Variants in SAMD8 observed in about 807,000 individuals in gnomAD.
SAMD8 encodes sterile alpha motif domain containing 8.
A neutral mutation model predicts 42.0 loss-of-function variants in SAMD8; 20 were observed. The ratio of observed to expected loss-of-function variants is 0.48; its 90% CI spans 0.34 to 0.69. The LOEUF (loss-of-function observed/expected upper bound fraction) is 0.69, where lower values mean the gene tolerates loss of function less well. SAMD8 is among the 30% of genes least tolerant of loss of function. SAMD8 has a pLI of 0.01. For synonymous variants in SAMD8, 162 were observed against 173.0 expected (o/e 0.94, Z 0.50); for missense variants, 328 against 511.6 (o/e 0.64, Z 3.46).
At chr10:75,106,571 G>A (rs187272469) in intron 1 of SAMD8, among the ~76,000 whole-genome samples, 11 of 152,224 alleles carry the variant, frequency 7.2e-5, no homozygotes, top group Admixed American at 7.2e-4. Flanking sequence ...GTAGAGGGAA[G>A]TCCCCCCACC....
At chr10:75,167,564 C>T (rs1459807033) in intron 3 of SAMD8, among the ~76,000 whole-genome samples, 1 of 152,110 alleles carries the variant, frequency 6.6e-6, no homozygotes, top group Non-Finnish European at 1.5e-5. Context: ...CCTGGAATCA[C>T]AGGTGTTTAA....
At chr10:75,144,004 G>A (rs911087552) in intron 1 of SAMD8, among the ~76,000 whole-genome samples, 1 of 140,672 alleles carries the variant, frequency 7.1e-6, no homozygotes, top group Non-Finnish European at 1.5e-5. Context: ...GTCTTGCTCT[G>A]TCACCCAGGC....
chr10:75,150,334 C>A, intron 1 of SAMD8, 180 bp from the exon 2 acceptor site: 3 of 397,260 alleles, frequency 7.6e-6, no homozygotes, highest in Non-Finnish European at 1.0e-5. Context: ...TGGCCCAGGA[C>A]TGGTCTCGAA....
chr10:75,116,056 T>C (rs1366944174), intron 1 of SAMD8, among the ~76,000 whole-genome samples: 1 of 151,798 alleles, frequency 6.6e-6, no homozygotes, highest in South Asian at 2.1e-4. Context: ...AAGAGTGTTG[T>C]GGGGCAGGGC....
Position 75,150,503 on chromosome 10 carries a change from T to A in SAMD8, c.-15-11T>A, listed in dbSNP as rs1050375383. The A allele has an allele frequency of 4.4e-6, 7 of 1,578,254 alleles. No homozygotes were observed. In the African/African-American group the frequency reaches 9.6e-5, roughly 22 times the overall value. ...AAGCTTTTGTTTTGTTTTCCTGTTT[T>A]CTCTCTACAGGCAGCGGAGGAGGAA... On this transcript the variant is annotated splice_polypyrimidine_tract_variant and intron_variant, in intron 1 of 5. Transcript: ENST00000542569.
At chr10:75,128,883 A>G (rs969325835) in intron 1 of SAMD8, among the ~76,000 whole-genome samples, 2 of 152,146 alleles carry the variant, frequency 1.3e-5, no homozygotes, top group African/African-American at 4.8e-5. Flanking sequence ...ACATGCATAT[A>G]ATTGGTTTTA....
intron 1 of SAMD8, among the ~76,000 whole-genome samples, chr10:75,123,170 CCCCACCCCACCCCACCCCA>C (rs1849045597): frequency 2.0e-5 from 1 of 50,068 alleles, no homozygotes; most frequent in Non-Finnish European, 4.1e-5. Flanking sequence ...CCTCACCCCA[CCCCACCCCACCCCACCCCA>C]CCCCACCCCA....
intron 1 of SAMD8, among the ~76,000 whole-genome samples, chr10:75,132,330 C>T (rs1297150359): frequency 6.6e-6 from 1 of 152,174 alleles, no homozygotes; most frequent in Non-Finnish European, 1.5e-5. Flanking sequence ...AAAGGATGTG[C>T]CTGAGATAAT....
At chr10:75,128,073 ATTTT>A (rs11353511) in intron 1 of SAMD8, among the ~76,000 whole-genome samples, 3 of 119,260 alleles carry the variant, frequency 2.5e-5, no homozygotes, top group Non-Finnish European at 3.5e-5. Context: ...TTCTTCTTTA[ATTTT>A]TTTTTTTTTT....
At chr10:75,151,140 A>T in intron 2 of SAMD8, 34 bp downstream of exon 2, 1 of 1,163,652 alleles carries the variant, frequency 8.6e-7, no homozygotes, top group Non-Finnish European at 1.2e-6. Context: ...AGTTTGTAGG[A>T]TGTTGCTATA....
At chr10:75,150,060 G>A (rs779561958) in intron 1 of SAMD8, among the ~76,000 whole-genome samples, 1 of 126,564 alleles carries the variant, frequency 7.9e-6, no homozygotes, top group African/African-American at 3.5e-5. Context: ...ATATGTGTGC[G>A]TGTGTGTGTG....
At chr10:75,115,129 A>G (rs10824275) in intron 1 of SAMD8, among the ~76,000 whole-genome samples, 37,964 of 152,100 alleles carry the variant, frequency 0.25, 5,257 homozygotes, top group East Asian at 0.59. Context: ...ATGTATTTAT[A>G]TTTGTTTACA....
intron 1 of SAMD8, among the ~76,000 whole-genome samples, chr10:75,121,412 A>G (rs1427685238): frequency 1.3e-5 from 2 of 152,202 alleles, no homozygotes; most frequent in African/African-American, 4.8e-5. Flanking sequence ...GAGGAATTGT[A>G]CTAGATCTCT....
intron 1 of SAMD8, among the ~76,000 whole-genome samples, chr10:75,120,561 G>A (rs9919494): frequency 2.5e-3 from 385 of 151,942 alleles, no homozygotes; most frequent in African/African-American, 8.7e-3. Context: ...GAGCCACCGC[G>A]CCCGGCCAGC....
intron 1 of SAMD8, chr10:75,101,775 CT>C: frequency 1.5e-5 from 13 of 866,246 alleles, no homozygotes; most frequent in Non-Finnish European, 1.7e-5. Context: ...AACCCCACCC[CT>C]CCCCACACAG....
intron 1 of SAMD8, among the ~76,000 whole-genome samples, chr10:75,135,285 T>C (rs1490914873): frequency 1.3e-4 from 20 of 150,754 alleles, no homozygotes; most frequent in Non-Finnish European, 1.5e-5. Flanking sequence ...AAACTCCGTC[T>C]CTACTAAAAA....
At chr10:75,100,628 T>G (rs1156305249) in intron 1 of SAMD8, among the ~76,000 whole-genome samples, 3 of 152,110 alleles carry the variant, frequency 2.0e-5, no homozygotes, top group Non-Finnish European at 4.4e-5. Flanking sequence ...CCCCTCCCAC[T>G]CCCTGCAGTC....
At chr10:75,111,162 T>C (rs1357606217), upstream of SAMD8, among the ~76,000 whole-genome samples, 1 of 152,214 alleles carries the variant, frequency 6.6e-6, no homozygotes, top group Non-Finnish European at 1.5e-5. Context: ...GCATAGACAC[T>C]GTCAAAGAGT....
chr10:75,156,600 C>T (rs115775353), intron 2 of SAMD8, among the ~76,000 whole-genome samples: 2,138 of 151,662 alleles, frequency 0.014, 55 homozygotes, highest in African/African-American at 0.05. Flanking sequence ...GTGCATTGGA[C>T]GTGATGTCCA....
Sources: gnomAD v4.1 joint callset for allele counts (sites outside exome capture counted in the v4.1 genomes callset) on GRCh38, gnomAD v4.1.1 for gene constraint, MANE v1.5 for transcripts, NCBI Gene and HGNC (gene_info 2026-07-23, HGNC 2026-07-21) for gene names.